The following ZFPM1 variants were observed in gnomAD, a reference collection of about 807,000 sequenced individuals.
The protein encoded by ZFPM1 is zinc finger protein, FOG family member 1.
In ZFPM1, 28 loss-of-function variants were observed where a neutral mutation model predicts 46.3. That is an observed-to-expected ratio of 0.60 (90% confidence interval 0.45 to 0.83). The LOEUF is 0.83. Ranked by LOEUF, ZFPM1 falls within the 40% of genes least tolerant of loss-of-function variation. The pLI is 0.00. For missense variants in ZFPM1, 1,878 were observed against 1,432.4 expected (o/e 1.31, Z -5.02); for synonymous variants, 957 against 675.9 (o/e 1.42, Z -6.45).
At position 88,526,822 on chromosome 16, in the gene ZFPM1, C is replaced by A; in HGVS notation, c.411C>A (p.Ala137=). ...SSPRQAEPSP[A]LTLLLVDEAC... is the part of the protein sequence containing the mutation. ...CTACCCTCCCCCCCCAGAGCCCAGC[C>A]CTGACCCTGCTGCTGGTGGACGAGG... Residue 137 remains alanine (A), a synonymous_variant, in exon 5 of 10, where the codon GCC becomes GCA. Transcript: ENST00000319555. 6.4e-7 allele frequency: 1 copy of A among 1,552,986 alleles called. No homozygotes were observed. The highest frequency in any genetic ancestry group is 1.4e-5 in the African/African-American group (1 of 73,560).
intron 6 of ZFPM1, among the ~76,000 whole-genome samples, chr16:88,528,824 C>T (rs974822755): frequency 5.3e-5 from 8 of 152,224 alleles, no homozygotes; most frequent in African/African-American, 1.9e-4. Flanking sequence ...CTGCCTCAGC[C>T]TCCTAAGTAG....
At position 88,533,902 on chromosome 16, in the gene ZFPM1, T is replaced by TG; in HGVS notation, c.1949dup (p.Ala651ArgfsTer21). Reference sequence around the variant, plus strand: ...GCCCCGGAGCGCGCGAGGAGGGGGCTGGGGGCGCGGCCACGCCCGAGGACG... The same window carrying TG: ...GCCCCGGAGCGCGCGAGGAGGGGGCTGGGGGGCGCGGCCACGCCCGAGGACG... On this transcript the variant is annotated frameshift_variant, in exon 10 of 10. Transcript: ENST00000319555. LOFTEE classifies it low-confidence loss of function (END_TRUNC). 1.9e-6 allele frequency: 2 copies of TG among 1,075,398 alleles called. No individual in the cohort carries two copies. 66.6% of individuals were successfully genotyped at this position (1,075,398 alleles called of 1,614,324 possible). A position where few individuals can be genotyped will look rare whatever the true frequency, so the allele number is the denominator to read the frequency against.
chr16:88,463,440 G>A (rs553364277), intron 1 of ZFPM1, among the ~76,000 whole-genome samples: 8 of 152,358 alleles, frequency 5.3e-5, no homozygotes, highest in African/African-American at 7.2e-5. Flanking sequence ...GACCTAAGCC[G>A]CTCTCCACAC....
At chr16:88,488,073 G>A (rs1019132243) in intron 2 of ZFPM1, among the ~76,000 whole-genome samples, 10 of 152,224 alleles carry the variant, frequency 6.6e-5, no homozygotes, top group Admixed American at 1.3e-4. Flanking sequence ...CGAGTCCCTT[G>A]GTGGCTGGGG....
chr16:88,522,827 G>C (rs1912005466), intron 4 of ZFPM1, among the ~76,000 whole-genome samples: 1 of 152,244 alleles, frequency 6.6e-6, no homozygotes, highest in Non-Finnish European at 1.5e-5. Context: ...TGCCGAGCCT[G>C]TGGCACCCTG....
At position 88,533,762 on chromosome 16, in the gene ZFPM1, G is replaced by A; in HGVS notation, c.1804G>A (p.Gly602Ser). The change falls in exon 10 of 10, where the codon GGC becomes AGC. Residue 602 changes from glycine (G) to serine (S), a missense_variant. Physicochemically the swap from Gly to Ser is moderately conservative, Grantham distance 56. Coordinates refer to ENST00000319555, the MANE Select transcript of ZFPM1 (RefSeq NM_153813.3). ...CGTGCACAAGCGCCTCTACTGTTCA[G>A]GCCGCCGTGCGCCCGAGGACGCGCC... ...YYVHKRLYCSGRRAPEDAPAA... is the reference protein window; with the variant it reads ...YYVHKRLYCSSRRAPEDAPAA... 1 of 1,443,874 alleles carries A rather than the reference G, an allele frequency of 6.9e-7. No individual in the cohort carries two copies. Among genetic ancestry groups the A allele is most frequent in the Admixed American group, 2.4e-5 (1 of 41,636 alleles). The allele number at this position is 1,443,874 out of a possible 1,614,324, so 89.4% of individuals were successfully genotyped here.
Position 88,534,753 on chromosome 16 carries a change from C to T in ZFPM1, c.2795C>T (p.Pro932Leu), listed in dbSNP as rs1163706650. The change falls in exon 10 of 10, where the codon CCG (proline) becomes CTG (leucine). Residue 932 changes from proline to leucine, a missense_variant. By Grantham distance (98) the Pro-to-Leu change is moderately conservative. Transcript: ENST00000319555. The stretch of plus-strand genomic sequence containing the variant: ...GAGCCCCAGGAGCCGCCGCCCGGCC[C>T]GCCCCCGTCCCCGGCCGCCGCGCCC... ...GPEPQEPPPG[P>L]PPSPAAAPEA... The T allele has an allele frequency of 4.8e-6, 5 of 1,042,272 alleles. No individual in the cohort carries two copies. Among genetic ancestry groups the T allele is most frequent in the African/African-American group, 1.7e-5 (1 of 57,858 alleles). 64.6% of individuals were successfully genotyped at this position (1,042,272 alleles called of 1,614,324 possible).
At chr16:88,488,555 A>C (rs903331679) in intron 2 of ZFPM1, among the ~76,000 whole-genome samples, 5 of 151,498 alleles carry the variant, frequency 3.3e-5, no homozygotes, top group African/African-American at 7.3e-5. Context: ...GGTATTAATA[A>C]TCTGTAGACA....
chr16:88,458,381 G>A (rs1046909788), intron 1 of ZFPM1, among the ~76,000 whole-genome samples: 11 of 152,192 alleles, frequency 7.2e-5, no homozygotes, highest in African/African-American at 2.7e-4. Flanking sequence ...GCCTTCCTTG[G>A]GCCTGGGACT....
At position 88,517,843 on chromosome 16, in the gene ZFPM1, T is replaced by G. The variant is rs565279823; in HGVS notation, c.402+3323T>G. Among the ~76,000 whole-genome samples, 5 of 141,948 alleles carry G rather than the reference T, an allele frequency of 3.5e-5. No homozygotes were observed. The East Asian group carries it at 1.1e-3, about 31-fold the overall frequency. The allele number at this position is 141,948 out of a possible 152,430, so 93.1% of individuals were successfully genotyped here. ...GTAGATGGATGGATGGATGGATGAG[T>G]GGGTGAGTGGGTAAAGGAGGGGTGG... On this transcript the variant is annotated intron_variant, in intron 4 of 9. Transcript: ENST00000319555.
At position 88,533,464 on chromosome 16, in the gene ZFPM1, CG is replaced by C; in HGVS notation, c.1507del (p.Glu503SerfsTer295). ...GCCCCGCCCCGGCCAGGGTCAAGGCCGAGCTGTCCAGCCCCACGCCGGGCTC... is the reference window on the plus strand; with the variant it reads ...GCCCCGCCCCGGCCAGGGTCAAGGCCAGCTGTCCAGCCCCACGCCGGGCTC... ...RSPAPARVKA[E>X]LSSPTPGSSP... On this transcript the variant is annotated frameshift_variant, in exon 10 of 10. Coordinates refer to ENST00000319555, the MANE Select transcript of ZFPM1 (RefSeq NM_153813.3). LOFTEE classifies it low-confidence loss of function (END_TRUNC). 7.0e-7 allele frequency: 1 copy of C among 1,431,608 alleles called. No homozygotes were observed. The highest frequency in any genetic ancestry group is 9.1e-7 in the Non-Finnish European group (1 of 1,100,846). 88.7% of individuals were successfully genotyped at this position (1,431,608 alleles called of 1,614,324 possible).
At chr16:88,483,872 G>A (rs905541188) in intron 1 of ZFPM1, among the ~76,000 whole-genome samples, 14 of 152,172 alleles carry the variant, frequency 9.2e-5, no homozygotes, top group South Asian at 2.1e-4. Flanking sequence ...CCACCTTCCC[G>A]CCTCCCTGCT....
intron 3 of ZFPM1, among the ~76,000 whole-genome samples, chr16:88,506,073 A>C (rs1910641903): frequency 6.6e-6 from 1 of 151,926 alleles, no homozygotes; most frequent in Non-Finnish European, 1.5e-5. Flanking sequence ...CTCTAGGCCA[A>C]CCCCACCCTG....
At chr16:88,455,275 C>T (rs534301145) in intron 1 of ZFPM1, among the ~76,000 whole-genome samples, 3 of 152,206 alleles carry the variant, frequency 2.0e-5, no homozygotes, top group East Asian at 3.9e-4. Flanking sequence ...AGCGAGAGCC[C>T]GTAGCCCAGC....
intron 1 of ZFPM1, among the ~76,000 whole-genome samples, chr16:88,456,731 G>A (rs74032872): frequency 3.9e-4 from 59 of 152,336 alleles, no homozygotes; most frequent in African/African-American, 1.4e-3. Context: ...GAGTGAGGTC[G>A]GGAGTGATGG....
At chr16:88,499,116 A>G (rs1477799106) in intron 3 of ZFPM1, among the ~76,000 whole-genome samples, 5 of 151,494 alleles carry the variant, frequency 3.3e-5, no homozygotes, top group Non-Finnish European at 7.4e-5. Context: ...TGGCTCCCCC[A>G]TGACCAGGCT....
At chr16:88,491,672 G>A (rs905944041) in intron 3 of ZFPM1, among the ~76,000 whole-genome samples, 1 of 152,208 alleles carries the variant, frequency 6.6e-6, no homozygotes, top group Non-Finnish European at 1.5e-5. Flanking sequence ...CCCTGAGGCC[G>A]GCCGTGGTTT....
At chr16:88,460,942 T>G (rs141190448) in intron 1 of ZFPM1, among the ~76,000 whole-genome samples, 4,335 of 20,186 alleles carry the variant, frequency 0.21, 570 homozygotes, top group African/African-American at 0.29. Flanking sequence ...GGCCTGGTGA[T>G]GACCGAGGGG....
intron 4 of ZFPM1, among the ~76,000 whole-genome samples, chr16:88,523,850 C>T (rs1597279058): frequency 6.6e-6 from 1 of 152,208 alleles, no homozygotes; most frequent in South Asian, 2.1e-4. Flanking sequence ...CCCTGCCCCT[C>T]CCCACCCGCA....
Sources: gnomAD v4.1 joint callset for allele counts (sites outside exome capture counted in the v4.1 genomes callset) on GRCh38, gnomAD v4.1.1 for gene constraint, MANE v1.5 for transcripts, NCBI Gene and HGNC (gene_info 2026-07-23, HGNC 2026-07-21) for gene names.